Variants in MAD1L1 observed in about 807,000 individuals in gnomAD.
MAD1L1 encodes the protein mitotic arrest deficient 1 like 1.
In MAD1L1, 95 loss-of-function variants were observed where a neutral mutation model predicts 96.9. The observed-to-expected ratio is 0.98, with a 90% CI of 0.83 to 1.16. The LOEUF (loss-of-function observed/expected upper bound fraction) is 1.16. Among genes scored for constraint, MAD1L1 ranks in the 50% most tolerant of loss-of-function variants. MAD1L1 has a pLI of 0.00. For synonymous variants in MAD1L1, 473 were observed against 396.6 expected (o/e 1.19, Z -2.29); for missense variants, 1,007 against 954.4 (o/e 1.06, Z -0.73).
chr7:2,226,326 C>T (rs1295249363), intron 3 of MAD1L1, among the ~76,000 whole-genome samples: 2 of 152,206 alleles, frequency 1.3e-5, no homozygotes, highest in African/African-American at 4.8e-5. Flanking sequence ...AGCCTGGAAT[C>T]TGGGGGCCCT....
At chr7:1,886,036 T>G (rs995165263) in intron 18 of MAD1L1, among the ~76,000 whole-genome samples, 2 of 152,066 alleles carry the variant, frequency 1.3e-5, no homozygotes, top group East Asian at 3.9e-4. Context: ...ACCTGGGCCC[T>G]CACCAGCCCT....
intron 12 of MAD1L1, among the ~76,000 whole-genome samples, chr7:2,038,885 T>C (rs1783558038): frequency 6.6e-6 from 1 of 152,192 alleles, no homozygotes. Flanking sequence ...AGATCACAAG[T>C]AGCATTCATC....
chr7:1,832,620 T>G (rs1025906666), intron 18 of MAD1L1, among the ~76,000 whole-genome samples: 6 of 33,124 alleles, frequency 1.8e-4, no homozygotes, highest in Non-Finnish European at 3.6e-4. Flanking sequence ...TTGCTGTGTT[T>G]TTTTTTTTTT....
chr7:1,935,004 AGAC>A (rs1342894943), intron 17 of MAD1L1, among the ~76,000 whole-genome samples: 20 of 152,154 alleles, frequency 1.3e-4, no homozygotes, highest in African/African-American at 4.6e-4. Flanking sequence ...GCAGAGACCC[AGAC>A]AACAAGGGAA....
intron 18 of MAD1L1, among the ~76,000 whole-genome samples, chr7:1,835,585 C>A (rs1034602900): frequency 1.2e-4 from 18 of 152,216 alleles, no homozygotes; most frequent in African/African-American, 4.3e-4. Context: ...TGGGATAAAT[C>A]TGAAAAAGAT....
intron 7 of MAD1L1, among the ~76,000 whole-genome samples, 183 bp downstream of exon 7, chr7:2,217,779 G>A (rs368733452): frequency 2.6e-5 from 4 of 152,216 alleles, no homozygotes; most frequent in South Asian, 2.1e-4. Flanking sequence ...TCCCAAGAGC[G>A]GAAGCATCTG....
intron 10 of MAD1L1, among the ~76,000 whole-genome samples, chr7:2,187,257 G>A (rs1440198348): frequency 1.3e-5 from 2 of 152,014 alleles, no homozygotes; most frequent in Admixed American, 6.6e-5. Flanking sequence ...GCTGAGGTGG[G>A]AGAATCACTT....
At chr7:2,217,031 C>T (rs548706282) in intron 7 of MAD1L1, among the ~76,000 whole-genome samples, 2 of 152,274 alleles carry the variant, frequency 1.3e-5, no homozygotes, top group South Asian at 2.1e-4. Context: ...CACCTGCCCT[C>T]GGGGAGCTCT....
At chr7:2,061,893 G>A (rs1477850395) in intron 12 of MAD1L1, among the ~76,000 whole-genome samples, 2 of 152,230 alleles carry the variant, frequency 1.3e-5, no homozygotes, top group African/African-American at 2.4e-5. Flanking sequence ...AACGTGTAAT[G>A]GAAGCCAGGG....
chr7:2,198,530 T>C (rs1232368335), intron 10 of MAD1L1, among the ~76,000 whole-genome samples: 1 of 152,238 alleles, frequency 6.6e-6, no homozygotes, highest in African/African-American at 2.4e-5. Context: ...GAGCCCGTGA[T>C]GGCCGTCCAC....
At chr7:2,133,369 G>A (rs1474371080) in intron 11 of MAD1L1, among the ~76,000 whole-genome samples, 1 of 152,268 alleles carries the variant, frequency 6.6e-6, no homozygotes, top group Non-Finnish European at 1.5e-5. Context: ...CCTGTTCAGA[G>A]CTCACCCATT....
At chr7:1,863,876 CAGG>C (rs902030028) in intron 18 of MAD1L1, among the ~76,000 whole-genome samples, 7 of 152,174 alleles carry the variant, frequency 4.6e-5, no homozygotes, top group African/African-American at 1.2e-4. Context: ...ATCACAAGGT[CAGG>C]AGTTCAAGAC....
At chr7:1,888,697 TGTC>T (rs1486404364) in intron 18 of MAD1L1, among the ~76,000 whole-genome samples, 5 of 150,926 alleles carry the variant, frequency 3.3e-5, no homozygotes, top group East Asian at 2.0e-4. Context: ...CATGCGTGTG[TGTC>T]GTGTGTGGCT....
At chr7:1,980,402 C>T (rs1410536448) in intron 15 of MAD1L1, 51 bp downstream of exon 15, 1 of 1,493,384 alleles carries the variant, frequency 6.7e-7, no homozygotes, top group African/African-American at 1.5e-5. Flanking sequence ...TATCCGCCTC[C>T]TCTCTGGGGG....
At chr7:1,997,133 A>T (rs994201466) in intron 14 of MAD1L1, among the ~76,000 whole-genome samples, 1 of 152,274 alleles carries the variant, frequency 6.6e-6, no homozygotes, top group Non-Finnish European at 1.5e-5. Context: ...CTAATTAATA[A>T]TAAGAAAGTC....
intron 12 of MAD1L1, among the ~76,000 whole-genome samples, chr7:2,053,279 G>T (rs1303248535): frequency 6.6e-6 from 1 of 152,210 alleles, no homozygotes; most frequent in African/African-American, 2.4e-5. Flanking sequence ...AGACGGTGAG[G>T]CTGGGACCAA....
rs55690798 is a variant in MAD1L1 at position 2,103,774 on chromosome 7, A to G, written c.1074-34436T>C. Among the ~76,000 whole-genome samples the G allele has an allele frequency of 0.025, 3,852 of 152,240 alleles. 82 individuals are homozygous for G. Among genetic ancestry groups the G allele is most frequent in the Middle Eastern group, 0.051 (15 of 294 alleles). On this transcript the variant is annotated intron_variant, in intron 11 of 18. Coordinates refer to ENST00000265854, the MANE Select transcript of MAD1L1 (RefSeq NM_001013836.2). The surrounding 1 kb of genome is among the most constrained non-coding windows in gnomAD (Gnocchi z 4.3). Reference sequence around the variant, plus strand: ...AGTGTGGCATAAGCAGACCCCCTGAACCACTGTGCACGGAGTCCCTCCGCA... The same window carrying G: ...AGTGTGGCATAAGCAGACCCCCTGAGCCACTGTGCACGGAGTCCCTCCGCA...
intron 18 of MAD1L1, among the ~76,000 whole-genome samples, chr7:1,877,339 T>A (rs1488313711): frequency 1.3e-5 from 2 of 151,938 alleles, no homozygotes; most frequent in Admixed American, 6.6e-5. Flanking sequence ...CTAAAATATT[T>A]GATACCTGTT....
At chr7:1,898,077 C>T (rs1370405008) in intron 18 of MAD1L1, 123 bp downstream of exon 18, 2 of 1,052,790 alleles carry the variant, frequency 1.9e-6, no homozygotes, top group Admixed American at 2.0e-5. Context: ...CCTTCCCGCC[C>T]AGCCCTCCAC....
Sources: allele counts gnomAD v4.1 joint callset (sites outside exome capture counted in the v4.1 genomes callset), GRCh38; gene constraint gnomAD v4.1.1; non-coding constraint Gnocchi (gnomAD v3.1); transcripts MANE v1.5; gene names NCBI Gene and HGNC (gene_info 2026-07-23, HGNC 2026-07-21).